The following ARHGAP5 variants were observed in gnomAD, a reference collection of about 807,000 sequenced individuals.
ARHGAP5 encodes the protein rho GTPase-activating protein 5.
ARHGAP5 carries 23 observed loss-of-function variants against 116.6 expected under a neutral mutation model. The ratio of observed to expected loss-of-function variants is 0.20; its 90% CI spans 0.14 to 0.28. The LOEUF is 0.28. Ranked by LOEUF, ARHGAP5 falls within the 10% of genes least tolerant of loss-of-function variation. ARHGAP5 has a pLI of 1.00. For synonymous variants in ARHGAP5, 574 were observed against 602.0 expected, an observed-to-expected ratio of 0.95 and a Z score of 0.68; for missense variants, 1,405 against 1,774.8, an observed-to-expected ratio of 0.79 and a Z score of 3.74.
chr14:32,127,188 G>T (rs1286445285), intron 3 of ARHGAP5, among the ~76,000 whole-genome samples: 1 of 150,930 alleles, frequency 6.6e-6, no homozygotes, highest in African/African-American at 2.4e-5. Context: ...AATTTTTTTA[G>T]TATTTATTGA....
At chr14:32,108,891 A>G (rs114180628) in intron 2 of ARHGAP5, among the ~76,000 whole-genome samples, 1,785 of 152,284 alleles carry the variant, frequency 0.012, 30 homozygotes, top group African/African-American at 0.039. Context: ...ATTAAAATCA[A>G]CATTCAGTGC....
chr14:32,077,870 G>A (rs1214004546), intron 1 of ARHGAP5, among the ~76,000 whole-genome samples: 1 of 152,156 alleles, frequency 6.6e-6, no homozygotes, highest in African/African-American at 2.4e-5. Flanking sequence ...AGGGTACACG[G>A]GGCGGGTGCA....
chr14:32,084,543 A>T (rs1406992011), intron 1 of ARHGAP5, among the ~76,000 whole-genome samples: 2 of 152,186 alleles, frequency 1.3e-5, no homozygotes, highest in Admixed American at 1.3e-4. Flanking sequence ...TTTATTCATG[A>T]AATATTTACT....
At chr14:32,116,376 G>T (rs1381184440) in intron 2 of ARHGAP5, among the ~76,000 whole-genome samples, 1 of 151,658 alleles carries the variant, frequency 6.6e-6, no homozygotes, top group African/African-American at 2.4e-5. Context: ...GGATCACGAG[G>T]TCAGGAGATC....
At chr14:32,148,408 A>G (rs774243901) in intron 4 of ARHGAP5, among the ~76,000 whole-genome samples, 8 of 152,032 alleles carry the variant, frequency 5.3e-5, no homozygotes, top group Non-Finnish European at 1.0e-4. Flanking sequence ...CTAAATCTCA[A>G]TTTCTTCATG....
At chr14:32,109,163 G>A (rs184705357) in intron 2 of ARHGAP5, among the ~76,000 whole-genome samples, 175 of 152,154 alleles carry the variant, frequency 1.2e-3, no homozygotes, top group South Asian at 2.5e-3. Context: ...AATGGCATGT[G>A]GTTGGTTGGG....
intron 2 of ARHGAP5, among the ~76,000 whole-genome samples, chr14:32,096,247 G>C (rs1023703339): frequency 1.3e-5 from 2 of 151,932 alleles, no homozygotes; most frequent in Admixed American, 1.3e-4. Flanking sequence ...CTCTTTAATA[G>C]CAGTAGTACA....
intron 3 of ARHGAP5, among the ~76,000 whole-genome samples, chr14:32,137,345 G>A (rs185810905): frequency 6.6e-6 from 1 of 151,036 alleles, no homozygotes; most frequent in African/African-American, 2.4e-5. Flanking sequence ...TCATTAAATG[G>A]TCTTGACACC....
At position 32,155,537 on chromosome 14, in the gene ARHGAP5, G is replaced by C. The variant is rs987371796; in HGVS notation, c.*589G>C. On this transcript the variant is annotated 3_prime_UTR_variant, in exon 7 of 7. Transcript: ENST00000345122. The stretch of plus-strand genomic sequence containing the variant: ...TTCATCTTTACTTCCAAGTAAACCC[G>C]TGGATGATTTGATGAGGGATAAATG... 1 of 152,762 alleles carries C rather than the reference G, an allele frequency of 6.5e-6. No homozygotes were observed. Among genetic ancestry groups the C allele is most frequent in the African/African-American group, 2.4e-5 (1 of 41,438 alleles). 9.5% of individuals were successfully genotyped at this position (152,762 alleles called of 1,614,324 possible). A position where few individuals can be genotyped will look rare whatever the true frequency, so the allele number is the denominator to read the frequency against.
At chr14:32,116,231 G>A (rs1407966560) in intron 2 of ARHGAP5, among the ~76,000 whole-genome samples, 1 of 151,162 alleles carries the variant, frequency 6.6e-6, no homozygotes, top group African/African-American at 2.4e-5. Context: ...AGCTTGCAGT[G>A]AGCCTAGACC....
chr14:32,077,501 G>T (rs1410256292), intron 1 of ARHGAP5, 66 bp downstream of exon 1: 1 of 672,314 alleles, frequency 1.5e-6, no homozygotes, highest in Non-Finnish European at 2.7e-6. Context: ...ACCCTCCTGC[G>T]GCTAGCTGCC....
chr14:32,088,073 A>G (rs2041848256), intron 1 of ARHGAP5, among the ~76,000 whole-genome samples: 1 of 151,928 alleles, frequency 6.6e-6, no homozygotes, highest in Non-Finnish European at 1.5e-5. Flanking sequence ...AGTATATCTC[A>G]GTATTTTGGG....
chr14:32,089,089 A>G (rs1470936677), intron 1 of ARHGAP5, among the ~76,000 whole-genome samples: 1 of 151,986 alleles, frequency 6.6e-6, no homozygotes, highest in Non-Finnish European at 1.5e-5. Context: ...TAAAGTTAAT[A>G]TTTAGTTGAG....
rs963973528 is a variant in ARHGAP5 at position 32,156,679 on chromosome 14, C to T, written c.*1731C>T. 1 of 152,318 alleles carries T rather than the reference C, an allele frequency of 6.6e-6. No individual in the cohort carries two copies. The highest frequency in any genetic ancestry group is 1.9e-4 in the East Asian group (1 of 5,178). The allele number at this position is 152,318 out of a possible 1,614,324, so 9.4% of individuals were successfully genotyped here. A position where few individuals can be genotyped will look rare whatever the true frequency, so the allele number is the denominator to read the frequency against. ...AGTATTCTTAACCTGTTCTATATTA[C>T]TTATACCTATTGTCTATATAGCTTT... On this transcript the variant is annotated 3_prime_UTR_variant, in exon 7 of 7. Transcript: ENST00000345122.
At position 32,091,779 on chromosome 14, in the gene ARHGAP5, G is replaced by A; in HGVS notation, c.1110G>A (p.Lys370=). The A allele has an allele frequency of 1.9e-6, 3 of 1,613,680 alleles. No individual in the cohort carries two copies. Among genetic ancestry groups the A allele is most frequent in the Non-Finnish European group, 2.5e-6 (3 of 1,179,666 alleles). ...CAGAAGCTTTGAAGTTAATGGAAAA[G>A]AGAGCAGATTTCCAGTTATGTTTTG... ...NWSEALKLME[K]RADFQLCFVV... Residue 370 remains lysine (K), a synonymous_variant, in exon 2 of 7, where the codon AAG becomes AAA. Coordinates refer to ENST00000345122, the MANE Select transcript of ARHGAP5 (RefSeq NM_001030055.2).
At chr14:32,101,540 C>T (rs570899835) in intron 2 of ARHGAP5, among the ~76,000 whole-genome samples, 27 of 151,932 alleles carry the variant, frequency 1.8e-4, no homozygotes, top group Admixed American at 6.6e-4. Context: ...ATGAGAAAAG[C>T]GTGCTTTTTG....
chr14:32,144,389 G>A (rs1881276483), intron 3 of ARHGAP5, among the ~76,000 whole-genome samples: 1 of 151,432 alleles, frequency 6.6e-6, no homozygotes, highest in Non-Finnish European at 1.5e-5. Flanking sequence ...TTATTATTTT[G>A]GTCATCTTTA....
At chr14:32,101,528 T>C (rs925808837) in intron 2 of ARHGAP5, among the ~76,000 whole-genome samples, 1 of 152,086 alleles carries the variant, frequency 6.6e-6, no homozygotes, top group South Asian at 2.1e-4. Context: ...AATGCATAAG[T>C]TATGAGAAAA....
chr14:32,146,220 T>A, intron 3 of ARHGAP5, 43 bp from the exon 4 acceptor site: 1 of 1,403,684 alleles, frequency 7.1e-7, no homozygotes, highest in Non-Finnish European at 1.0e-6. Context: ...CGTGTGGATA[T>A]ATATGTGTTT....
Sources: gnomAD v4.1 joint callset for allele counts (sites outside exome capture counted in the v4.1 genomes callset) on GRCh38, gnomAD v4.1.1 for gene constraint, MANE v1.5 for transcripts, NCBI Gene and HGNC (gene_info 2026-07-23, HGNC 2026-07-21) for gene names.